TTLL7: variants seen among roughly 807,000 people sequenced by gnomAD.
The protein encoded by TTLL7 is tubulin tyrosine ligase like 7, also known as tubulin polyglutamylase TTLL7.
Under a neutral mutation model 120.2 loss-of-function variants are expected in TTLL7, and 53 were observed. That is an observed-to-expected ratio of 0.44 (90% CI 0.35 to 0.55). TTLL7 has a LOEUF of 0.55. Among genes scored for constraint, TTLL7 ranks in the 20% least tolerant of loss-of-function variants. The probability of loss-of-function intolerance (pLI) is 0.00; values close to 1 mark genes in which losing one functional copy is unlikely to be tolerated. For missense variants in TTLL7, 803 were observed against 1,054.7 expected (o/e 0.76, Z 3.31); for synonymous variants, 353 against 351.7 (o/e 1.00, Z -0.04).
At chr1:83,911,846 GTGTT>G (rs1657705321) in intron 14 of TTLL7, among the ~76,000 whole-genome samples, 1 of 151,892 alleles carries the variant, frequency 6.6e-6, no homozygotes, top group African/African-American at 2.4e-5. Flanking sequence ...GTGTGTGTCT[GTGTT>G]TGTGTGTGTG....
chr1:83,998,569 T>A (rs1203187675), intron 1 of TTLL7, among the ~76,000 whole-genome samples: 1 of 152,168 alleles, frequency 6.6e-6, no homozygotes, highest in African/African-American at 2.4e-5. Flanking sequence ...TATACCACGA[T>A]GTGGGAAAAC....
At position 83,954,339 on chromosome 1, in the gene TTLL7, T is replaced by C. The variant is rs187922079; in HGVS notation, c.-176-1952A>G. On this transcript the variant is annotated intron_variant, in intron 1 of 20. Coordinates refer to ENST00000260505, the MANE Select transcript of TTLL7 (RefSeq NM_024686.6). ...ATTTAAAGTTCTTAAAATTATACTA[T>C]GCATATATGCGCTTTACTTAATTCC... Among the ~76,000 whole-genome samples, 6 of 152,360 alleles carry C rather than the reference T, an allele frequency of 3.9e-5. No individual in the cohort carries two copies. In the East Asian group the frequency reaches 1.2e-3, roughly 29 times the overall value.
intron 20 of TTLL7, among the ~76,000 whole-genome samples, chr1:83,872,131 G>T (rs897735373): frequency 6.6e-6 from 1 of 151,986 alleles, no homozygotes; most frequent in African/African-American, 2.4e-5. Context: ...TAAAATAGCA[G>T]AACTTTCTAT....
intron 16 of TTLL7, among the ~76,000 whole-genome samples, chr1:83,907,211 A>C: frequency 6.6e-6 from 1 of 152,264 alleles, no homozygotes; most frequent in Middle Eastern, 3.4e-3. Context: ...CTATATCAGC[A>C]AATAGAAAAT....
intron 1 of TTLL7, among the ~76,000 whole-genome samples, chr1:83,982,287 T>A (rs998922328): frequency 9.9e-5 from 15 of 151,912 alleles, no homozygotes; most frequent in African/African-American, 3.4e-4. Flanking sequence ...GAGAAGGAAA[T>A]TTAGACACCT....
At chr1:83,968,694 T>C (rs1212759781) in intron 1 of TTLL7, among the ~76,000 whole-genome samples, 2 of 152,088 alleles carry the variant, frequency 1.3e-5, no homozygotes, top group Admixed American at 1.3e-4. Context: ...TATTCCTACA[T>C]GGAGTACTCA....
At chr1:83,926,162 C>A (rs1030846330) in intron 10 of TTLL7, among the ~76,000 whole-genome samples, 1 of 149,842 alleles carries the variant, frequency 6.7e-6, no homozygotes, top group Non-Finnish European at 1.5e-5. Flanking sequence ...TTAGGTTTAA[C>A]CTTTGTGGGT....
At chr1:83,975,706 C>T (rs557191844) in intron 1 of TTLL7, among the ~76,000 whole-genome samples, 5 of 152,164 alleles carry the variant, frequency 3.3e-5, no homozygotes, top group Non-Finnish European at 5.9e-5. Flanking sequence ...ATCTTGAAAC[C>T]GTGCTGAAAA....
At chr1:83,989,094 C>T (rs1335931159) in intron 1 of TTLL7, among the ~76,000 whole-genome samples, 2 of 152,164 alleles carry the variant, frequency 1.3e-5, no homozygotes, top group Admixed American at 1.3e-4. Flanking sequence ...TTGTCACATA[C>T]ATAGTTTGCA....
chr1:83,936,068 A>C (rs1017614082), intron 8 of TTLL7, among the ~76,000 whole-genome samples: 1 of 152,174 alleles, frequency 6.6e-6, no homozygotes, highest in African/African-American at 2.4e-5. Flanking sequence ...TCAGAGATTA[A>C]TAGGCCCACA....
At chr1:83,948,499 G>C (rs1248307025) in intron 5 of TTLL7, 129 bp downstream of exon 5, 3 of 623,546 alleles carry the variant, frequency 4.8e-6, no homozygotes, top group African/African-American at 3.7e-5. Context: ...GACCTCTCTA[G>C]CTCCAAAATT....
chr1:83,961,622 TC>T (rs1454270477), intron 1 of TTLL7, among the ~76,000 whole-genome samples: 49 of 152,156 alleles, frequency 3.2e-4, no homozygotes, highest in African/African-American at 1.2e-3. Context: ...TAAATAAAGT[TC>T]AAAGCAAATA....
intron 19 of TTLL7, among the ~76,000 whole-genome samples, chr1:83,886,394 T>G (rs1654976950): frequency 6.6e-6 from 1 of 151,980 alleles, no homozygotes; most frequent in African/African-American, 2.4e-5. Context: ...TGCTGAAGTT[T>G]ATACATACCA....
At chr1:83,870,337 T>C (rs747270156) in intron 20 of TTLL7, among the ~76,000 whole-genome samples, 7 of 152,194 alleles carry the variant, frequency 4.6e-5, no homozygotes, top group Non-Finnish European at 8.8e-5. Flanking sequence ...AAACTGTTTA[T>C]GTGGCTAATG....
chr1:83,983,741 A>T (rs1652185650), intron 1 of TTLL7: 1 of 152,258 alleles, frequency 6.6e-6, no homozygotes, highest in African/African-American at 2.4e-5. Context: ...TATAATATCC[A>T]GAATCTGAAA....
intron 20 of TTLL7, among the ~76,000 whole-genome samples, chr1:83,882,010 T>G (rs1428330375): frequency 6.8e-6 from 1 of 146,308 alleles, no homozygotes; most frequent in Middle Eastern, 3.7e-3. Context: ...ACACCGCATA[T>G]TCTCACTCAT....
chr1:83,939,796 G>C (rs1647765737), intron 7 of TTLL7, among the ~76,000 whole-genome samples: 1 of 151,996 alleles, frequency 6.6e-6, no homozygotes. Context: ...AAATAATACA[G>C]CTCAATATAA....
chr1:83,991,307 T>C (rs1165914548), intron 1 of TTLL7, among the ~76,000 whole-genome samples: 2 of 152,188 alleles, frequency 1.3e-5, no homozygotes, highest in Non-Finnish European at 2.9e-5. Context: ...TGTATACCTC[T>C]GCACTGTACA....
rs779263601 is a variant in TTLL7, at chr1:83,911,196, G to A, written c.1755C>T (p.Pro585=). 6.2e-7 allele frequency: 1 copy of A among 1,611,978 alleles called. No individual in the cohort carries two copies. The highest frequency in any genetic ancestry group is 2.2e-5 in the East Asian group (1 of 44,846). ...GTTGAATTAATTTGTAGTGGTTGGAGGGTTTAAGATTATATGTAACTTGCT... is the reference window on the plus strand; with the variant it reads ...GTTGAATTAATTTGTAGTGGTTGGAAGGTTTAAGATTATATGTAACTTGCT... ...REKQVTYNLK[P]SNHYKLIQQP... is the part of the protein sequence containing the mutation. Residue 585 remains proline, a synonymous_variant, in exon 15 of 21, where the codon CCC becomes CCT. Coordinates refer to ENST00000260505, the MANE Select transcript of TTLL7 (RefSeq NM_024686.6).
Sources: gnomAD v4.1 joint callset for allele counts (sites outside exome capture counted in the v4.1 genomes callset) on GRCh38, gnomAD v4.1.1 for gene constraint, MANE v1.5 for transcripts, NCBI Gene and HGNC (gene_info 2026-07-23, HGNC 2026-07-21) for gene names.